The following RBFOX1 variants were observed in gnomAD, a reference collection of about 807,000 sequenced individuals.
RBFOX1 encodes RNA binding fox-1 homolog 1, also known as RNA binding protein fox-1 homolog 1.
In RBFOX1, 8 loss-of-function variants were observed where a neutral mutation model predicts 57.7. That is an observed-to-expected ratio of 0.14 (90% confidence interval 0.08 to 0.25). The LOEUF is 0.25. Ranked by LOEUF, RBFOX1 falls within the 10% of genes least tolerant of loss-of-function variation. The pLI, the probability that RBFOX1 is intolerant of heterozygous loss-of-function variation, is 1.00. For missense variants in RBFOX1, 611 were observed against 548.5 expected (o/e 1.11, Z -1.14); for synonymous variants, 326 against 222.4 (o/e 1.47, Z -4.15).
intron 4 of RBFOX1, among the ~76,000 whole-genome samples, chr16:7,151,913 G>C (rs1285669627): frequency 6.6e-6 from 1 of 152,154 alleles, no homozygotes; most frequent in Non-Finnish European, 1.5e-5. Context: ...GTGGTAATGT[G>C]AGCTATGGGG....
chr16:6,821,047 C>A (rs72766752), intron 3 of RBFOX1, among the ~76,000 whole-genome samples: 127 of 152,242 alleles, frequency 8.3e-4, no homozygotes, highest in Non-Finnish European at 1.5e-3. Context: ...AAAACAGATT[C>A]CTATATATTT....
intron 1 of RBFOX1, among the ~76,000 whole-genome samples, chr16:6,129,310 G>GA (rs1226087932): frequency 4.0e-5 from 6 of 151,516 alleles, no homozygotes; most frequent in Admixed American, 6.6e-5. Flanking sequence ...GGGATCCCAG[G>GA]AAAAAAAATG....
rs187052819 is a variant in RBFOX1, at chr16:5,501,088, G to C, written c.258+33834G>C. 2.2e-4 allele frequency among the ~76,000 whole-genome samples: 33 copies of C among 152,200 alleles called. No homozygotes were observed. The East Asian group carries it at 5.6e-3, about 26-fold the overall frequency. ...CCCAGCACTTTGGGAGGCCGAGGTGGGCGGGTCACCTGAGGTCAGGAGTTT... is the reference window on the plus strand; with the variant it reads ...CCCAGCACTTTGGGAGGCCGAGGTGCGCGGGTCACCTGAGGTCAGGAGTTT... On this transcript the variant is annotated intron_variant, in intron 2 of 2. Coordinates refer to the RBFOX1 transcript ENST00000585867.
intron 4 of RBFOX1, among the ~76,000 whole-genome samples, chr16:7,342,784 A>T (rs537526610): frequency 5.3e-5 from 8 of 152,092 alleles, no homozygotes; most frequent in African/African-American, 1.7e-4. Flanking sequence ...CATGGCTGGT[A>T]TAAAAGCCAC....
At chr16:6,195,580 G>A (rs1288442090) in intron 1 of RBFOX1, among the ~76,000 whole-genome samples, 4 of 152,058 alleles carry the variant, frequency 2.6e-5, no homozygotes, top group South Asian at 4.1e-4. Context: ...TTAGCCAGGC[G>A]TGGTGGCACG....
Position 5,996,602 on chromosome 16 carries a change from A to G in RBFOX1, c.351+129267A>G, listed in dbSNP as rs112900677. On this transcript the variant is annotated intron_variant, in intron 4 of 19. Transcript: ENST00000641259. ...ATGGACAGGGAATGGGGAAATCACAAGGGCTAATTCTGTACCCTAGGGCTA... is the reference window on the plus strand; with the variant it reads ...ATGGACAGGGAATGGGGAAATCACAGGGGCTAATTCTGTACCCTAGGGCTA... 1.1e-3 allele frequency among the ~76,000 whole-genome samples: 167 copies of G among 152,208 alleles called. 1 individual carries two copies. Among genetic ancestry groups the G allele is most frequent in the African/African-American group, 4.0e-3 (166 of 41,534 alleles).
chr16:7,105,086 G>T (rs2063340324), intron 4 of RBFOX1, among the ~76,000 whole-genome samples: 1 of 152,116 alleles, frequency 6.6e-6, no homozygotes, highest in South Asian at 2.1e-4. Context: ...TGAGCTGAAA[G>T]AGAGCACCTC....
At chr16:5,765,191 A>C (rs959122696) in intron 3 of RBFOX1, among the ~76,000 whole-genome samples, 13 of 152,192 alleles carry the variant, frequency 8.5e-5, no homozygotes, top group Non-Finnish European at 1.6e-4. Flanking sequence ...TAAAGAATAC[A>C]CATATCCTCT....
chr16:5,887,125 G>A (rs376194769), intron 4 of RBFOX1, among the ~76,000 whole-genome samples: 61 of 152,274 alleles, frequency 4.0e-4, no homozygotes, highest in Admixed American at 7.2e-4. Flanking sequence ...CAAATGTCCC[G>A]TGGAGAAGGA....
chr16:7,024,924 G>A (rs1023634362), intron 3 of RBFOX1, among the ~76,000 whole-genome samples: 2 of 152,130 alleles, frequency 1.3e-5, no homozygotes, highest in African/African-American at 4.8e-5. Context: ...TATAGAGGAG[G>A]ACACTGAGGC....
intron 4 of RBFOX1, among the ~76,000 whole-genome samples, chr16:7,221,815 A>C (rs2092752802): frequency 2.6e-5 from 4 of 152,252 alleles, no homozygotes; most frequent in Admixed American, 2.6e-4. Flanking sequence ...CTAAGAAAGC[A>C]CATACAGAGG....
At chr16:7,162,468 G>T (rs550500260) in intron 4 of RBFOX1, among the ~76,000 whole-genome samples, 58 of 151,410 alleles carry the variant, frequency 3.8e-4, no homozygotes, top group African/African-American at 1.3e-3. Context: ...AGTAACTCAC[G>T]CCTGTAACCC....
intron 3 of RBFOX1, among the ~76,000 whole-genome samples, chr16:5,690,350 G>C (rs952038873): frequency 6.6e-6 from 1 of 152,196 alleles, no homozygotes; most frequent in African/African-American, 2.4e-5. Context: ...CCAAAAGCCA[G>C]TGATGACCTT....
At chr16:7,566,460 A>T (rs1275763849) in intron 5 of RBFOX1, among the ~76,000 whole-genome samples, 1 of 152,194 alleles carries the variant, frequency 6.6e-6, no homozygotes, top group Non-Finnish European at 1.5e-5. Context: ...AAGGCCATTC[A>T]GGAGCGAAAA....
rs72766774 is a variant in RBFOX1, at chr16:6,828,215, C to T, written c.-16+173565C>T. On this transcript the variant is annotated intron_variant, in intron 3 of 15. Transcript: ENST00000550418. ...TTGCCCGTAGAAGTGAGAAACAATA[C>T]AGGTAGTCACAGCATAGTAAAAATT... Among the ~76,000 whole-genome samples, 629 of 152,106 alleles carry T rather than the reference C, an allele frequency of 4.1e-3. 5 individuals are homozygous for T. Among genetic ancestry groups the T allele is most frequent in the Middle Eastern group, 0.017 (5 of 294 alleles).
intron 4 of RBFOX1, among the ~76,000 whole-genome samples, chr16:5,903,539 A>C (rs1236773466): frequency 6.6e-6 from 1 of 152,178 alleles, no homozygotes; most frequent in East Asian, 1.9e-4. Context: ...TGATAAGTGG[A>C]TAGAAAGGAG....
chr16:6,637,316 A>G (rs62652898), intron 2 of RBFOX1, among the ~76,000 whole-genome samples: 11,345 of 27,366 alleles, frequency 0.41, 4,160 homozygotes, highest in Middle Eastern at 0.58. Flanking sequence ...TATATTATAT[A>G]TTATATATAT....
chr16:6,305,040 C>T (rs545147119), intron 1 of RBFOX1, among the ~76,000 whole-genome samples: 1 of 152,140 alleles, frequency 6.6e-6, no homozygotes, highest in African/African-American at 2.4e-5. Flanking sequence ...GGTAGAGGAG[C>T]TTCCTGTGTG....
intron 1 of RBFOX1, among the ~76,000 whole-genome samples, chr16:5,311,381 C>T (rs1435082169): frequency 1.3e-5 from 2 of 152,150 alleles, no homozygotes; most frequent in African/African-American, 4.8e-5. Flanking sequence ...CAGGTGTCTT[C>T]TTGCTATCAT....
Sources: gnomAD v4.1 joint callset for allele counts (sites outside exome capture counted in the v4.1 genomes callset) on GRCh38, gnomAD v4.1.1 for gene constraint, MANE v1.5 for transcripts, NCBI Gene and HGNC (gene_info 2026-07-23, HGNC 2026-07-21) for gene names.